Variants in DSC2 observed in about 807,000 individuals in gnomAD.
The protein encoded by DSC2 is desmocollin 2, also known as desmocollin-2.
A neutral mutation model predicts 87.6 loss-of-function variants in DSC2; 51 were observed. The observed-to-expected ratio is 0.58, with a 90% CI of 0.46 to 0.74. DSC2 has a LOEUF of 0.74. DSC2 is among the 30% of genes least tolerant of loss of function. DSC2 has a pLI of 0.00. For synonymous variants in DSC2, 383 were observed against 393.2 expected, an observed-to-expected ratio of 0.97 and a Z score of 0.31; for missense variants, 1,066 against 1,089.5, an observed-to-expected ratio of 0.98 and a Z score of 0.30.
intron 1 of DSC2, among the ~76,000 whole-genome samples, chr18:31,099,849 T>C (rs1987879493): frequency 6.6e-6 from 1 of 151,866 alleles, no homozygotes; most frequent in Non-Finnish European, 1.5e-5. Context: ...AGGTAAAGGA[T>C]CCTACCCTCC....
At position 31,058,878 on chromosome 18, in the gene DSC2, A is replaced by T. The variant is rs949108395; in HGVS notation, c.*9137T>A. On this transcript the variant is annotated 3_prime_UTR_variant, in exon 16 of 16. Coordinates refer to ENST00000280904, the MANE Select transcript of DSC2 (RefSeq NM_024422.6). ...TTTTTAATAGTACGTCTCCGTGAACATATTATATCACTTCTGGGACTACAT... is the reference window on the plus strand; with the variant it reads ...TTTTTAATAGTACGTCTCCGTGAACTTATTATATCACTTCTGGGACTACAT... The T allele has an allele frequency of 6.6e-6, 1 of 152,170 alleles. No homozygotes were observed. The highest frequency in any genetic ancestry group is 2.4e-5 in the African/African-American group (1 of 41,462). 9.4% of individuals were successfully genotyped at this position (152,170 alleles called of 1,614,324 possible).
At position 31,061,553 on chromosome 18, in the gene DSC2, T is replaced by C. The variant is rs187272060; in HGVS notation, c.*6462A>G. On this transcript the variant is annotated 3_prime_UTR_variant, in exon 16 of 16. Coordinates refer to ENST00000280904, the MANE Select transcript of DSC2 (RefSeq NM_024422.6). ...AATCCATGACACAGTAAAATTCCTC[T>C]ATAAAACAAGATTTAGGGTGTGTTC... 1.3e-3 allele frequency: 192 copies of C among 152,326 alleles called. No homozygotes were observed. The highest frequency in any genetic ancestry group is 4.5e-3 in the African/African-American group (186 of 41,578). The allele number at this position is 152,326 out of a possible 1,614,324, so 9.4% of individuals were successfully genotyped here. A position where few individuals can be genotyped will look rare whatever the true frequency, so the allele number is the denominator to read the frequency against.
rs1176698416 is a variant in DSC2, at chr18:31,089,467, A to G, written c.602T>C (p.Val201Ala). 6.2e-7 allele frequency: 1 copy of G among 1,613,946 alleles called. No individual in the cohort carries two copies. Among genetic ancestry groups the G allele is most frequent in the South Asian group, 1.1e-5 (1 of 91,088 alleles). Residue 201 changes from valine (V) to alanine (A), a missense_variant, in exon 5 of 16, where the codon GTA becomes GCA. Coordinates refer to ENST00000280904, the MANE Select transcript of DSC2 (RefSeq NM_024422.6). ...AAAAGATTCATACTGCTCACGATCTACAGGACGAGTACAATACAAGTTTCC... is the reference window on the plus strand; with the variant it reads ...AAAAGATTCATACTGCTCACGATCTGCAGGACGAGTACAATACAAGTTTCC... ...DTGNLYCTRP[V>A]DREQYESFEI... is the part of the protein sequence containing the mutation.
rs1316628370 is a variant in DSC2, at chr18:31,062,269, G to A, written c.*5746C>T. ...TTTCTCAAGATATTTTTTGAAGCAA[G>A]GCCTGACTTACAACATTTTATAAAT... On this transcript the variant is annotated 3_prime_UTR_variant, in exon 16 of 16. Coordinates refer to ENST00000280904, the MANE Select transcript of DSC2 (RefSeq NM_024422.6). The A allele has an allele frequency of 6.6e-6, 1 of 152,206 alleles. No homozygotes were observed. The highest frequency in any genetic ancestry group is 2.4e-5 in the African/African-American group (1 of 41,516). 9.4% of individuals were successfully genotyped at this position (152,206 alleles called of 1,614,324 possible). A position where few individuals can be genotyped will look rare whatever the true frequency, so the allele number is the denominator to read the frequency against.
Position 31,062,871 on chromosome 18 carries a change from T to C in DSC2, c.*5144A>G, listed in dbSNP as rs1376562092. The C allele has an allele frequency of 6.6e-6, 1 of 152,208 alleles. No homozygotes were observed. Among genetic ancestry groups the C allele is most frequent in the Non-Finnish European group, 1.5e-5 (1 of 68,038 alleles). 9.4% of individuals were successfully genotyped at this position (152,208 alleles called of 1,614,324 possible). A position where few individuals can be genotyped will look rare whatever the true frequency, so the allele number is the denominator to read the frequency against. On this transcript the variant is annotated 3_prime_UTR_variant, in exon 16 of 16. Transcript: ENST00000280904. Reference sequence around the variant, plus strand: ...CTGTGAATGCAAACAATTGTTCTAGTCATTCAATGTCTTCTGAGGAAAAAC... The same window carrying C: ...CTGTGAATGCAAACAATTGTTCTAGCCATTCAATGTCTTCTGAGGAAAAAC...
At chr18:31,090,782 T>C (rs1987566211) in intron 4 of DSC2, among the ~76,000 whole-genome samples, 1 of 152,236 alleles carries the variant, frequency 6.6e-6, no homozygotes, top group Non-Finnish European at 1.5e-5. Flanking sequence ...CCCTTGCTGA[T>C]GTGACAATTC....
In DSC2 at chr18:31,060,968, A is replaced by T. The variant is rs1394051842; in HGVS notation, c.*7047T>A. 6.6e-6 allele frequency: 1 copy of T among 152,218 alleles called. No individual in the cohort carries two copies. The highest frequency in any genetic ancestry group is 1.5e-5 in the Non-Finnish European group (1 of 68,038). 9.4% of individuals were successfully genotyped at this position (152,218 alleles called of 1,614,324 possible). On this transcript the variant is annotated 3_prime_UTR_variant, in exon 16 of 16. Transcript: ENST00000280904. Reference sequence around the variant, plus strand: ...TTTAAATACTTAAGTTTCATAAACCACCAAATAATCAATAAACCCAGTTAC... The same window carrying T: ...TTTAAATACTTAAGTTTCATAAACCTCCAAATAATCAATAAACCCAGTTAC...
chr18:31,093,474 T>C, intron 2 of DSC2, 85 bp downstream of exon 2: 1 of 1,048,090 alleles, frequency 9.5e-7, no homozygotes, highest in Non-Finnish European at 1.4e-6. Flanking sequence ...CAAGATCTCG[T>C]TCCTTTTTAT....
Position 31,074,888 on chromosome 18 carries a change from C to T in DSC2, c.1683G>A (p.Gly561=). 6.2e-7 allele frequency: 1 copy of T among 1,613,666 alleles called. No individual in the cohort carries two copies. Among genetic ancestry groups the T allele is most frequent in the South Asian group, 1.1e-5 (1 of 91,042 alleles). ...CGTCTTGAAGTATAATGCCCAGTGT[C>T]CCCGTACATGTTCTCCCTCCTAGAA... ...ASDQGGRTCT[G]TLGIILQDVN... The change falls in exon 12 of 16, where the codon GGG becomes GGA. Residue 561 remains glycine, a synonymous_variant. Coordinates refer to ENST00000280904, the MANE Select transcript of DSC2 (RefSeq NM_024422.6).
chr18:31,060,333 T>C lies in DSC2; in HGVS notation c.*7682A>G, dbSNP rs2144765197. 2 of 152,332 alleles carry C rather than the reference T, an allele frequency of 1.3e-5. No individual in the cohort carries two copies. Among genetic ancestry groups the C allele is most frequent in the South Asian group, 4.1e-4 (2 of 4,822 alleles). The allele number at this position is 152,332 out of a possible 1,614,324, so 9.4% of individuals were successfully genotyped here. On this transcript the variant is annotated 3_prime_UTR_variant, in exon 16 of 16. Coordinates refer to ENST00000280904, the MANE Select transcript of DSC2 (RefSeq NM_024422.6). ...ACCCTCTGCTCCTTTCACCTCTGGC[T>C]TTCTGAGCCTCTCATTCCCTATTGG...
chr18:31,059,521 C>T lies in DSC2; in HGVS notation c.*8494G>A, dbSNP rs1986460714. On this transcript the variant is annotated 3_prime_UTR_variant, in exon 16 of 16. Transcript: ENST00000280904. ...ATTTATTAAAGCTAAGATGAAAAGG[C>T]TTTTCTTCACAGGCCTGTAAGCTCC... The T allele has an allele frequency of 6.6e-6, 1 of 152,116 alleles. No individual in the cohort carries two copies. Among genetic ancestry groups the T allele is most frequent in the African/African-American group, 2.4e-5 (1 of 41,446 alleles). The allele number at this position is 152,116 out of a possible 1,614,324, so 9.4% of individuals were successfully genotyped here. A position where few individuals can be genotyped will look rare whatever the true frequency, so the allele number is the denominator to read the frequency against.
At chr18:31,090,981 G>A in intron 4 of DSC2, 47 bp downstream of exon 4, 1 of 1,612,890 alleles carries the variant, frequency 6.2e-7, no homozygotes, top group Non-Finnish European at 8.5e-7. Flanking sequence ...ATAATGGTAA[G>A]AGATGGAAAC....
intron 15 of DSC2, among the ~76,000 whole-genome samples, chr18:31,068,577 G>A (rs1431805200): frequency 6.6e-6 from 1 of 152,098 alleles, no homozygotes; most frequent in Non-Finnish European, 1.5e-5. Flanking sequence ...GTACATGCTG[G>A]TCTTGCTGGT....
At chr18:31,090,914 A>T in intron 4 of DSC2, 114 bp downstream of exon 4, 1 of 1,399,602 alleles carries the variant, frequency 7.1e-7, no homozygotes, top group Non-Finnish European at 1.0e-6. Flanking sequence ...TTATACACAT[A>T]CTCATTCACT....
chr18:31,072,900 G>A (rs1986880453), intron 12 of DSC2, among the ~76,000 whole-genome samples: 1 of 152,112 alleles, frequency 6.6e-6, no homozygotes. Flanking sequence ...AATGAGACTA[G>A]CAAAACCAAA....
rs747883944 is a variant in DSC2, at chr18:31,091,086, G to A, written c.416C>T (p.Pro139Leu). 5.0e-6 allele frequency: 8 copies of A among 1,613,914 alleles called. No individual in the cohort carries two copies. The highest frequency in any genetic ancestry group is 1.7e-6 in the Non-Finnish European group (2 of 1,179,952). ...GTTTTCTAGCATCGAACAAGGAATT[G>A]GAGCCCATCTTCTCTTGGCGCGCCT... ...VLRRAKRRWA[P>L]IPCSMLENSL... Residue 139 changes from proline (P) to leucine (L), a missense_variant, in exon 4 of 16, where the codon CCA becomes CTA. Transcript: ENST00000280904.
intron 14 of DSC2, among the ~76,000 whole-genome samples, chr18:31,069,741 A>G (rs1005451820): frequency 6.6e-6 from 1 of 151,730 alleles, no homozygotes; most frequent in Non-Finnish European, 1.5e-5. Flanking sequence ...AGCCTCTTAG[A>G]ATACTGTACA....
intron 7 of DSC2, among the ~76,000 whole-genome samples, chr18:31,085,407 A>G (rs935331229): frequency 2.0e-5 from 3 of 151,944 alleles, no homozygotes; most frequent in Admixed American, 6.6e-5. Flanking sequence ...AAAGTGTAAC[A>G]ATTTTTACTG....
rs551337657 is a variant in DSC2 at position 31,087,825 on chromosome 18, G to GT, written c.631-13dup. 1.4e-4 allele frequency: 220 copies of GT among 1,613,072 alleles called. No homozygotes were observed. The highest frequency in any genetic ancestry group is 6.5e-4 in the Admixed American group (39 of 59,992). On this transcript the variant is annotated splice_polypyrimidine_tract_variant and intron_variant, in intron 5 of 15. Transcript: ENST00000280904. Reference sequence around the variant, plus strand: ...GCAAAGGCAATTATCTGTGAAGAGAGTAAAATAAGGAGAAAAGTGAAAATA... The same window carrying GT: ...GCAAAGGCAATTATCTGTGAAGAGAGTTAAAATAAGGAGAAAAGTGAAAATA...
Sources: gnomAD v4.1 joint callset for allele counts (sites outside exome capture counted in the v4.1 genomes callset) on GRCh38, gnomAD v4.1.1 for gene constraint, MANE v1.5 for transcripts, NCBI Gene and HGNC (gene_info 2026-07-23, HGNC 2026-07-21) for gene names.